The following EHMT1 variants were observed in gnomAD, a reference collection of about 807,000 sequenced individuals.
The protein encoded by EHMT1 is euchromatic histone lysine methyltransferase 1.
EHMT1 carries 15 observed loss-of-function variants against 147.2 expected under a neutral mutation model. The observed-to-expected ratio is 0.10, with a 90% confidence interval of 0.07 to 0.16. The LOEUF is 0.16. Among genes scored for constraint, EHMT1 ranks in the 10% least tolerant of loss-of-function variants. The pLI is 1.00. For synonymous variants in EHMT1, 795 were observed against 709.6 expected (o/e 1.12, Z -1.91); for missense variants, 1,587 against 1,772.4 (o/e 0.90, Z 1.88).
At position 137,731,536 on chromosome 9, in the gene EHMT1, A is replaced by G. The variant is rs1004720561; in HGVS notation, c.823+3007A>G. Among the ~76,000 whole-genome samples, 1 of 152,142 alleles carries G rather than the reference A, an allele frequency of 6.6e-6. No homozygotes were observed. The highest frequency in any genetic ancestry group is 6.5e-5 in the Admixed American group (1 of 15,272). On this transcript the variant is annotated intron_variant, in intron 4 of 26. Coordinates refer to ENST00000460843, the MANE Select transcript of EHMT1 (RefSeq NM_024757.5). The surrounding 1 kb of genome is among the most constrained non-coding windows in gnomAD (Gnocchi z 4.3). ...GAGTCCACTTATCGGGATGGCAGAG[A>G]GAGACAAAGGCCTTTTACAACAGTG...
chr9:137,715,924 T>A (rs1945177135), intron 2 of EHMT1: 2 of 862,216 alleles, frequency 2.3e-6, no homozygotes, highest in South Asian at 5.3e-5. Context: ...AATGTTTATG[T>A]TTAATATGTT....
At chr9:137,621,610 C>T (rs1842941675) in intron 1 of EHMT1, among the ~76,000 whole-genome samples, 2 of 151,088 alleles carry the variant, frequency 1.3e-5, no homozygotes, top group South Asian at 4.2e-4. Flanking sequence ...GAGAGACTGT[C>T]TCAGGAAAAA....
At chr9:137,713,343 C>T (rs937003153) in intron 2 of EHMT1, among the ~76,000 whole-genome samples, 1 of 147,318 alleles carries the variant, frequency 6.8e-6, no homozygotes. Context: ...GATCTCGGCT[C>T]ACTGCAAGCT....
chr9:137,805,365 C>T (rs1430981791), intron 18 of EHMT1, among the ~76,000 whole-genome samples: 1 of 152,100 alleles, frequency 6.6e-6, no homozygotes, highest in African/African-American at 2.4e-5. Flanking sequence ...GCGTATGTAT[C>T]AGTCATCCGC....
chr9:137,727,934 G>C (rs570250327), intron 3 of EHMT1, among the ~76,000 whole-genome samples: 1 of 152,362 alleles, frequency 6.6e-6, no homozygotes, highest in South Asian at 2.1e-4. Flanking sequence ...GAGAGGTTTT[G>C]ATGCTGCCCA....
At chr9:137,751,417 G>A (rs1948957723) in intron 6 of EHMT1, among the ~76,000 whole-genome samples, 1 of 152,198 alleles carries the variant, frequency 6.6e-6, no homozygotes, top group South Asian at 2.1e-4. Flanking sequence ...AGGCCTCCCA[G>A]AGCATTGGGA....
intron 16 of EHMT1, among the ~76,000 whole-genome samples, chr9:137,798,306 G>A (rs1014501527): frequency 3.9e-5 from 6 of 152,148 alleles, no homozygotes; most frequent in Non-Finnish European, 2.9e-5. Flanking sequence ...GGAGGCTGAG[G>A]CAGGAGGATC....
intron 1 of EHMT1, among the ~76,000 whole-genome samples, chr9:137,687,835 T>C (rs1022595322): frequency 6.6e-6 from 1 of 152,252 alleles, no homozygotes; most frequent in African/African-American, 2.4e-5. Context: ...CAGTTTGTTA[T>C]AATAGCCTGA....
Position 137,711,044 on chromosome 9 carries a change from G to T in EHMT1, c.85+14G>T, listed in dbSNP as rs754762160. 1 of 1,583,320 alleles carries T rather than the reference G, an allele frequency of 6.3e-7. No homozygotes were observed. The highest frequency in any genetic ancestry group is 1.8e-5 in the Admixed American group (1 of 55,310). On this transcript the variant is annotated intron_variant, in intron 2 of 26. Coordinates refer to ENST00000460843, the MANE Select transcript of EHMT1 (RefSeq NM_024757.5). The stretch of plus-strand genomic sequence containing the variant: ...TGCTGGGAGAAGGTGAGGGCGGTGT[G>T]CACCGAGGGACAGGAGCAGCGCCTC...
chr9:137,695,474 G>C (rs1189363173), intron 1 of EHMT1, among the ~76,000 whole-genome samples: 1 of 152,244 alleles, frequency 6.6e-6, no homozygotes, highest in East Asian at 1.9e-4. Flanking sequence ...CTGAAACTCG[G>C]TGGCTGAAAC....
At chr9:137,798,719 G>A (rs1338696308) in intron 16 of EHMT1, 94 bp from the exon 17 acceptor site, 60 of 1,008,016 alleles carry the variant, frequency 6.0e-5, no homozygotes, top group South Asian at 1.0e-4. Context: ...CCACCCGCAT[G>A]GTAGACACCG....
In EHMT1 at chr9:137,834,767, C is replaced by T; in HGVS notation, c.3717-6C>T. 1 of 1,613,480 alleles carries T rather than the reference C, an allele frequency of 6.2e-7. No homozygotes were observed. Among genetic ancestry groups the T allele is most frequent in the Middle Eastern group, 1.7e-4 (1 of 5,988 alleles). On this transcript the variant is annotated splice_polypyrimidine_tract_variant and splice_region_variant and intron_variant, in intron 26 of 26. Transcript: ENST00000460843. ...ACTTGGAGCCTTGGTTCTGTTCCCT[C>T]CCCAGGTTTGACTATGGAGAGCGCT...
chr9:137,816,153 T>C, intron 23 of EHMT1, 91 bp downstream of exon 23: 2 of 1,139,544 alleles, frequency 1.8e-6, no homozygotes, highest in Non-Finnish European at 2.6e-6. Flanking sequence ...GAACTTAACG[T>C]GTTTGGATGC....
Position 137,776,880 on chromosome 9 carries a change from G to A in EHMT1, c.2018+36G>A, listed in dbSNP as rs371600953. On this transcript the variant is annotated intron_variant, in intron 12 of 26. Transcript: ENST00000460843. The surrounding 1 kb of genome is among the most constrained non-coding windows in gnomAD (Gnocchi z 4.4). ...CAGGCTCTGGCTGGGCTCTCCAGTC[G>A]TCCACCTGAAAAAGTTTCAGTTGTT... The A allele has an allele frequency of 3.7e-5, 59 of 1,601,512 alleles. No individual in the cohort carries two copies. The highest frequency in any genetic ancestry group is 6.8e-5 in the Admixed American group (4 of 59,126).
At chr9:137,830,996 G>T (rs1474643874) in intron 25 of EHMT1, among the ~76,000 whole-genome samples, 1 of 152,180 alleles carries the variant, frequency 6.6e-6, no homozygotes, top group Non-Finnish European at 1.5e-5. Flanking sequence ...GAAGGTGTTA[G>T]TAGATCTGGT....
At position 137,782,141 on chromosome 9, in the gene EHMT1, A is replaced by C; in HGVS notation, c.2276-150A>C. The stretch of plus-strand genomic sequence containing the variant: ...CACACTCAAGTCTCAAGTCCAGAGG[A>C]TGGTGCTGTGGGCGGGTTCCGGCGT... On this transcript the variant is annotated intron_variant, in intron 14 of 26. Transcript: ENST00000460843. This position sits in a 1 kb window ranked among gnomAD's most constrained non-coding sequence, Gnocchi z 5.7. The C allele has an allele frequency of 1.4e-6, 1 of 699,178 alleles. No homozygotes were observed. 43.3% of individuals were successfully genotyped at this position (699,178 alleles called of 1,614,324 possible).
At chr9:137,754,134 C>T (rs372839928) in intron 7 of EHMT1, 37 bp from the exon 8 acceptor site, 1 of 1,613,686 alleles carries the variant, frequency 6.2e-7, no homozygotes, top group East Asian at 2.2e-5. Context: ...GCTTCCTGTG[C>T]TTAGTGGTTT....
intron 3 of EHMT1, among the ~76,000 whole-genome samples, chr9:137,719,114 G>A (rs1277407338): frequency 1.3e-5 from 2 of 152,130 alleles, no homozygotes; most frequent in African/African-American, 4.8e-5. Flanking sequence ...TCAAAAGACG[G>A]TGATTATAAT....
At chr9:137,771,168 C>T (rs1050964928) in intron 10 of EHMT1, among the ~76,000 whole-genome samples, 2 of 150,798 alleles carry the variant, frequency 1.3e-5, no homozygotes, top group African/African-American at 2.4e-5. Flanking sequence ...CTCCAGTTCT[C>T]CCCTCAGAGC....
Sources: gnomAD v4.1 joint callset for allele counts (sites outside exome capture counted in the v4.1 genomes callset) on GRCh38, gnomAD v4.1.1 for gene constraint, Gnocchi (gnomAD v3.1) non-coding constraint, MANE v1.5 for transcripts, NCBI Gene and HGNC (gene_info 2026-07-23, HGNC 2026-07-21) for gene names.